TLL1: variants seen among roughly 807,000 people sequenced by gnomAD.
The protein encoded by TLL1 is tolloid-like protein 1.
A neutral mutation model predicts 128.2 loss-of-function variants in TLL1; 49 were observed. That is an observed-to-expected ratio of 0.38 (90% confidence interval 0.30 to 0.48). The LOEUF (loss-of-function observed/expected upper bound fraction) is 0.48, where lower values mean the gene tolerates loss of function less well. TLL1 is among the 20% of genes least tolerant of loss of function. The pLI is 0.96. For synonymous variants in TLL1, 454 were observed against 418.8 expected (o/e 1.08, Z -1.03); for missense variants, 1,123 against 1,242.0 (o/e 0.90, Z 1.44).
chr4:166,058,049 A>T (rs1286608270), intron 14 of TLL1, among the ~76,000 whole-genome samples: 2 of 151,990 alleles, frequency 1.3e-5, no homozygotes, highest in African/African-American at 4.8e-5. Context: ...TCATCCATCC[A>T]TCCATTCACC....
rs1740248010 is a variant in TLL1 at position 166,060,331 on chromosome 4, G to A, written c.2007+143G>A. ...TGTCTTACTGCTCATTTCTGCAACTGCTTATGAATCTCGTTGGCATTGGAT... is the reference window on the plus strand; with the variant it reads ...TGTCTTACTGCTCATTTCTGCAACTACTTATGAATCTCGTTGGCATTGGAT... On this transcript the variant is annotated intron_variant, in intron 15 of 20. Coordinates refer to ENST00000061240, the MANE Select transcript of TLL1 (RefSeq NM_012464.5). The A allele has an allele frequency of 1.0e-5, 9 of 903,082 alleles. No individual in the cohort carries two copies. In the South Asian group the frequency reaches 1.5e-4, roughly 15 times the overall value. 55.9% of individuals were successfully genotyped at this position (903,082 alleles called of 1,614,324 possible). A position where few individuals can be genotyped will look rare whatever the true frequency, so the allele number is the denominator to read the frequency against.
At position 166,077,968 on chromosome 4, in the gene TLL1, T is replaced by C; in HGVS notation, c.2380T>C (p.Tyr794His). ...CACCAGTCCCAACTGGCCAGACAAG[T>C]ACCCAAGCAGGAAAGAATGCACTTG... The part of the protein sequence containing the change: ...LITSPNWPDK[Y>H]PSRKECTWEI... The change falls in exon 18 of 21, where the codon TAC (tyrosine) becomes CAC (histidine). Residue 794 changes from tyrosine to histidine, a missense_variant. Around this residue, in one of 3 missense-constraint regions of TLL1, gnomAD observed 634 missense variants for 672.4 expected, o/e 0.94. Coordinates refer to ENST00000061240, the MANE Select transcript of TLL1 (RefSeq NM_012464.5). 1 of 1,613,666 alleles carries C rather than the reference T, an allele frequency of 6.2e-7. No individual in the cohort carries two copies.
rs966393945 is a variant in TLL1, at chr4:166,031,073, G to A, written c.1158+5642G>A. On this transcript the variant is annotated intron_variant, in intron 9 of 20. Coordinates refer to ENST00000061240, the MANE Select transcript of TLL1 (RefSeq NM_012464.5). ...TACCCATGTAAAATGAATGAACAAA[G>A]AATTACTCATAAAATGAAGCTGCTT... The A allele has an allele frequency of 3.5e-6, 3 of 849,690 alleles. No individual in the cohort carries two copies. The African/African-American group carries it at 5.6e-5, about 16-fold the overall frequency. The allele number at this position is 849,690 out of a possible 1,614,324, so 52.6% of individuals were successfully genotyped here. A position where few individuals can be genotyped will look rare whatever the true frequency, so the allele number is the denominator to read the frequency against.
chr4:166,007,932 C>G lies in TLL1; in HGVS notation c.812-11C>G. On this transcript the variant is annotated splice_polypyrimidine_tract_variant and intron_variant, in intron 6 of 20. Coordinates refer to ENST00000061240, the MANE Select transcript of TLL1 (RefSeq NM_012464.5). ...AAGGCTTCTGAGATTTTGTTTATCC[C>G]TGGTTCTTAGGTCAAGAGTACAATT... is the stretch of plus-strand genomic sequence containing the variant. 6.3e-7 allele frequency: 1 copy of G among 1,580,658 alleles called. No individual in the cohort carries two copies. Among genetic ancestry groups the G allele is most frequent in the African/African-American group, 1.3e-5 (1 of 74,126 alleles).
chr4:165,907,371 T>A (rs1011361087), intron 1 of TLL1, among the ~76,000 whole-genome samples: 2 of 152,124 alleles, frequency 1.3e-5, no homozygotes, highest in African/African-American at 4.8e-5. Flanking sequence ...ATAGCCACAA[T>A]GGCTACAAAA....
At chr4:165,899,586 A>T (rs768206387) in intron 1 of TLL1, among the ~76,000 whole-genome samples, 1 of 152,054 alleles carries the variant, frequency 6.6e-6, no homozygotes, top group Non-Finnish European at 1.5e-5. Context: ...GGTCTGAGAG[A>T]CCATTTGTTA....
chr4:166,010,359 G>C (rs1366186959), intron 7 of TLL1, among the ~76,000 whole-genome samples: 2 of 150,862 alleles, frequency 1.3e-5, no homozygotes, highest in African/African-American at 4.9e-5. Context: ...TCTCGTTGTG[G>C]TTTTGACTTA....
intron 12 of TLL1, among the ~76,000 whole-genome samples, 156 bp from the exon 13 acceptor site, chr4:166,054,920 A>G (rs1284469452): frequency 6.6e-6 from 1 of 152,172 alleles, no homozygotes; most frequent in African/African-American, 2.4e-5. Context: ...TGGATATTAC[A>G]GTGTACGTTC....
intron 6 of TLL1, among the ~76,000 whole-genome samples, chr4:166,004,790 G>A (rs1277981842): frequency 6.6e-6 from 1 of 152,066 alleles, no homozygotes; most frequent in African/African-American, 2.4e-5. Context: ...CTTTACTTAG[G>A]AAAGATTCTC....
At chr4:166,099,170 A>G in intron 19 of TLL1, 107 bp from the exon 20 acceptor site, 1 of 1,536,398 alleles carries the variant, frequency 6.5e-7, no homozygotes, top group Non-Finnish European at 9.0e-7. Context: ...TGGAAGTAGA[A>G]ACAGAAGTTA....
intron 18 of TLL1, among the ~76,000 whole-genome samples, chr4:166,082,752 A>G (rs910510107): frequency 6.6e-6 from 1 of 152,108 alleles, no homozygotes; most frequent in African/African-American, 2.4e-5. Context: ...ATCTCAGCTC[A>G]CTGCAACCTC....
At chr4:166,061,372 G>A (rs1382074143) in intron 15 of TLL1, among the ~76,000 whole-genome samples, 3 of 151,272 alleles carry the variant, frequency 2.0e-5, no homozygotes, top group African/African-American at 4.9e-5. Context: ...TCAGCCTCCC[G>A]AATAGCTGGG....
chr4:165,989,562 T>G, intron 2 of TLL1, 71 bp downstream of exon 2: 1 of 1,118,692 alleles, frequency 8.9e-7, no homozygotes, highest in Non-Finnish European at 1.4e-6. Context: ...CTATAAATAT[T>G]TTTGGATCAT....
chr4:166,078,030 A>G lies in TLL1; in HGVS notation c.2442A>G (p.Leu814=). 1 of 1,613,550 alleles carries G rather than the reference A, an allele frequency of 6.2e-7. No individual in the cohort carries two copies. Among genetic ancestry groups the G allele is most frequent in the Non-Finnish European group, 8.5e-7 (1 of 1,179,618 alleles). The change falls in exon 18 of 21, where the codon TTA becomes TTG. Residue 814 remains leucine (L), a splice_region_variant and synonymous_variant. Coordinates refer to ENST00000061240, the MANE Select transcript of TLL1 (RefSeq NM_012464.5). ...CCACTCCTGGCCACCGAATCAAATT[A>G]GTAAGTGAGCACATCCTTTTTCTTT... is the stretch of plus-strand genomic sequence containing the variant. ...ISATPGHRIK[L]AFSEFEIEQH...
rs1737838549 is a variant in TLL1, at chr4:166,014,373, T to C, written c.918-63T>C. The C allele has an allele frequency of 8.1e-6, 13 of 1,607,818 alleles. No individual in the cohort carries two copies. The Admixed American group carries it at 1.7e-4, about 21-fold the overall frequency. ...GAGTTTGAAATAAATACCTTATAAATGTAAGGAATTCATGAGTTTTCATTT... is the reference window on the plus strand; with the variant it reads ...GAGTTTGAAATAAATACCTTATAAACGTAAGGAATTCATGAGTTTTCATTT... On this transcript the variant is annotated intron_variant, in intron 7 of 20. Transcript: ENST00000061240.
At chr4:165,976,214 C>A (rs1246035827) in intron 1 of TLL1, among the ~76,000 whole-genome samples, 1 of 151,898 alleles carries the variant, frequency 6.6e-6, no homozygotes, top group Non-Finnish European at 1.5e-5. Flanking sequence ...ACAGGAAATG[C>A]AAGAGATCTA....
chr4:165,947,569 T>A (rs1377086364), intron 1 of TLL1, among the ~76,000 whole-genome samples: 1 of 152,146 alleles, frequency 6.6e-6, no homozygotes, highest in Admixed American at 6.6e-5. Flanking sequence ...CAGCAAAGAA[T>A]GCACTGGAGA....
chr4:166,080,710 G>A (rs1741248266), intron 18 of TLL1, among the ~76,000 whole-genome samples: 1 of 152,136 alleles, frequency 6.6e-6, no homozygotes, highest in Non-Finnish European at 1.5e-5. Context: ...AGGGTGTTAG[G>A]TGGATCTAAT....
chr4:166,081,787 G>A (rs115540571), intron 18 of TLL1, among the ~76,000 whole-genome samples: 199 of 151,734 alleles, frequency 1.3e-3, no homozygotes, highest in African/African-American at 4.3e-3. Context: ...CTTGTTGTCA[G>A]GGTAGAAGCA....
Sources: gnomAD v4.1 joint callset for allele counts (sites outside exome capture counted in the v4.1 genomes callset) on GRCh38, gnomAD v4.1.1 for gene constraint, gnomAD v4.1.1 regional missense constraint, MANE v1.5 for transcripts, NCBI Gene and HGNC (gene_info 2026-07-23, HGNC 2026-07-21) for gene names.